FIBCD1: variants seen among roughly 807,000 people sequenced by gnomAD.
FIBCD1 encodes the protein fibrinogen C domain containing 1.
Under a neutral mutation model 45.1 loss-of-function variants are expected in FIBCD1, and 47 were observed. The ratio of observed to expected loss-of-function variants is 1.04; its 90% CI spans 0.82 to 1.33. The LOEUF is 1.33. Among genes scored for constraint, FIBCD1 ranks in the 40% most tolerant of loss-of-function variants. The pLI is 0.00. For synonymous variants in FIBCD1, 313 were observed against 308.1 expected (o/e 1.02, Z -0.17); for missense variants, 653 against 682.2 (o/e 0.96, Z 0.48).
rs1202644785 is a variant in FIBCD1 at position 130,939,151 on chromosome 9, C to A, written c.-544G>T. ...GGGCGGCCCGGCTCCTGCTGGCTCCCGGAGGGGCCTGAGAGCCCCCCGGCG... is the reference window on the plus strand; with the variant it reads ...GGGCGGCCCGGCTCCTGCTGGCTCCAGGAGGGGCCTGAGAGCCCCCCGGCG... On this transcript the variant is annotated 5_prime_UTR_variant, in exon 1 of 7. Coordinates refer to ENST00000372338, the MANE Select transcript of FIBCD1 (RefSeq NM_032843.5). 6.6e-6 allele frequency: 1 copy of A among 151,974 alleles called. No individual in the cohort carries two copies. Among genetic ancestry groups the A allele is most frequent in the African/African-American group, 2.4e-5 (1 of 41,384 alleles). The allele number at this position is 151,974 out of a possible 1,614,324, so 9.4% of individuals were successfully genotyped here.
At chr9:130,924,090 A>G in intron 3 of FIBCD1, 147 bp downstream of exon 3, 1 of 1,280,556 alleles carries the variant, frequency 7.8e-7, no homozygotes, top group Non-Finnish European at 1.1e-6. Flanking sequence ...TCATCTGGAG[A>G]ATGGACCGAG....
rs143106722 is a variant in FIBCD1 at position 130,923,535 on chromosome 9, G to C, written c.849+209C>G. On this transcript the variant is annotated intron_variant, in intron 4 of 6. Coordinates refer to ENST00000372338, the MANE Select transcript of FIBCD1 (RefSeq NM_032843.5). ...TCCTGCCTAATGTCCGCTCCAGAGT[G>C]GGTACCCCAGGGTCAGCTCACAGAG... is the stretch of plus-strand genomic sequence containing the variant. Among the ~76,000 whole-genome samples, 848 of 152,290 alleles carry C rather than the reference G, an allele frequency of 5.6e-3. 9 individuals are homozygous for C. The highest frequency in any genetic ancestry group is 0.017 in the Middle Eastern group (5 of 294).
intron 4 of FIBCD1, among the ~76,000 whole-genome samples, chr9:130,912,815 GAGTCTTAA>G (rs1374762386): frequency 9.7e-6 from 1 of 103,318 alleles, no homozygotes; most frequent in African/African-American, 6.4e-5. Context: ...AGGGGGGGCA[GAGTCTTAA>G]TCTTTTTCCA....
rs375835147 is a variant in FIBCD1, at chr9:130,917,834, C to T, written c.849+5910G>A. Among the ~76,000 whole-genome samples the T allele has an allele frequency of 4.6e-5, 7 of 152,136 alleles. No individual in the cohort carries two copies. In the South Asian group the frequency reaches 1.4e-3, roughly 31 times the overall value. On this transcript the variant is annotated intron_variant, in intron 4 of 6. Transcript: ENST00000372338. ...CTTGGAGGAGTGGGCAACCCAGGTG[C>T]GCAGGGCTGAGATGGCCAGAGGAGT... is the stretch of plus-strand genomic sequence containing the variant.
chr9:130,930,398 G>A (rs1273524962), intron 1 of FIBCD1, among the ~76,000 whole-genome samples: 2 of 150,082 alleles, frequency 1.3e-5, no homozygotes, highest in Non-Finnish European at 3.0e-5. Flanking sequence ...GGAGACATGG[G>A]GAGATGCGGG....
At chr9:130,919,482 C>A (rs1832221474) in intron 4 of FIBCD1, among the ~76,000 whole-genome samples, 1 of 152,218 alleles carries the variant, frequency 6.6e-6, no homozygotes, top group Non-Finnish European at 1.5e-5. Context: ...GCTGCTCAGC[C>A]TCCCCGGCAC....
intron 5 of FIBCD1, among the ~76,000 whole-genome samples, chr9:130,905,792 T>TG (rs1203827366): frequency 6.6e-6 from 1 of 152,222 alleles, no homozygotes; most frequent in African/African-American, 2.4e-5. Context: ...ACCTGGCCTC[T>TG]GGGCCTTTGC....
chr9:130,906,785 T>C (rs1831935781), intron 5 of FIBCD1, among the ~76,000 whole-genome samples: 1 of 152,220 alleles, frequency 6.6e-6, no homozygotes, highest in Admixed American at 6.5e-5. Flanking sequence ...TCTCAGCCCT[T>C]CGTGCAGATG....
rs536944140 is a variant in FIBCD1, at chr9:130,935,883, G to T, written c.72+2653C>A. On this transcript the variant is annotated intron_variant, in intron 1 of 6. Transcript: ENST00000372338. The stretch of plus-strand genomic sequence containing the variant: ...TCTTAGTCGTGGCCTGTGACCTACT[G>T]GTGCTTGGAGTGCGGCGTCAGCGTT... Among the ~76,000 whole-genome samples, 15 of 152,300 alleles carry T rather than the reference G, an allele frequency of 9.8e-5. No homozygotes were observed. The South Asian group carries it at 3.1e-3, about 32-fold the overall frequency.
intron 4 of FIBCD1, among the ~76,000 whole-genome samples, chr9:130,913,010 G>A (rs979960115): frequency 2.6e-5 from 4 of 152,174 alleles, no homozygotes; most frequent in Non-Finnish European, 5.9e-5. Context: ...TGGCTCAGGG[G>A]AGGACGAGGA....
rs1378163925 is a variant in FIBCD1 at position 130,922,852 on chromosome 9, C to T, written c.849+892G>A. Reference sequence around the variant, plus strand: ...CCCTGGTAGCCGCGTTAGGTTGCCCCCTCCTCCTGGAATACCTTCTCCTTC... The same window carrying T: ...CCCTGGTAGCCGCGTTAGGTTGCCCTCTCCTCCTGGAATACCTTCTCCTTC... On this transcript the variant is annotated intron_variant, in intron 4 of 6. Coordinates refer to ENST00000372338, the MANE Select transcript of FIBCD1 (RefSeq NM_032843.5). The surrounding 1 kb of genome is among the most constrained non-coding windows in gnomAD (Gnocchi z 4.5). Among the ~76,000 whole-genome samples, 2 of 152,268 alleles carry T rather than the reference C, an allele frequency of 1.3e-5. No individual in the cohort carries two copies. Among genetic ancestry groups the T allele is most frequent in the Non-Finnish European group, 2.9e-5 (2 of 68,014 alleles).
At chr9:130,924,092 T>C in intron 3 of FIBCD1, 145 bp downstream of exon 3, 1 of 1,281,320 alleles carries the variant, frequency 7.8e-7, no homozygotes. Flanking sequence ...ATCTGGAGAA[T>C]GGACCGAGAG....
chr9:130,920,559 C>G (rs74986046), intron 4 of FIBCD1, among the ~76,000 whole-genome samples: 3,278 of 152,232 alleles, frequency 0.022, 56 homozygotes, highest in South Asian at 0.062. Flanking sequence ...CGGTGCCCAC[C>G]CTGAGCTAAC....
rs372320784 is a variant in FIBCD1, at chr9:130,903,991, T to C, written c.*73A>G. ...GCCAGGCACAGGTGGGTGGAGAACA[T>C]TCACGAAAGAGTGAGGTGGGGTCGG... On this transcript the variant is annotated 3_prime_UTR_variant, in exon 7 of 7. Transcript: ENST00000372338. 880 of 1,559,648 alleles carry C rather than the reference T, an allele frequency of 5.6e-4. 4 individuals are homozygous for C. In the African/African-American group the frequency reaches 9.6e-3, roughly 17 times the overall value.
rs1250662588 is a variant in FIBCD1, at chr9:130,921,006, C to A, written c.849+2738G>T. ...TGGGTGACCTCGGGCACATCCCTGG[C>A]CTTCTCTGAGGCTGCCCTGCCTGCC... On this transcript the variant is annotated intron_variant, in intron 4 of 6. Transcript: ENST00000372338. Among the ~76,000 whole-genome samples the A allele has an allele frequency of 2.0e-5, 3 of 152,372 alleles. No individual in the cohort carries two copies. The East Asian group carries it at 5.8e-4, about 29-fold the overall frequency.
Position 130,924,420 on chromosome 9 carries a change from G to A in FIBCD1, c.553-24C>T, listed in dbSNP as rs561385387. On this transcript the variant is annotated intron_variant, in intron 2 of 6. Coordinates refer to ENST00000372338, the MANE Select transcript of FIBCD1 (RefSeq NM_032843.5). ...AGCTGCGGAGCACAGGGGGTGAGCCGAGGGGGCAGGGGCTCTGTTGGGGGT... is the reference window on the plus strand; with the variant it reads ...AGCTGCGGAGCACAGGGGGTGAGCCAAGGGGGCAGGGGCTCTGTTGGGGGT... 93 of 1,589,666 alleles carry A rather than the reference G, an allele frequency of 5.9e-5. 1 individual carries two copies. In the South Asian group the frequency reaches 8.5e-4, roughly 15 times the overall value.
chr9:130,902,965 G>C lies in FIBCD1; in HGVS notation c.*1099C>G, dbSNP rs1310635343. 2 of 152,480 alleles carry C rather than the reference G, an allele frequency of 1.3e-5. No homozygotes were observed. The highest frequency in any genetic ancestry group is 1.3e-4 in the Admixed American group (2 of 15,290). 9.4% of individuals were successfully genotyped at this position (152,480 alleles called of 1,614,324 possible). ...CCCCCCGACCCCATTTGCCCGGTGA[G>C]GTGGTCCCTGTCCCTTGACCACTCG... On this transcript the variant is annotated 3_prime_UTR_variant, in exon 7 of 7. Transcript: ENST00000372338.
chr9:130,938,666 G>A lies in FIBCD1; in HGVS notation c.-59C>T. The A allele has an allele frequency of 8.3e-7, 1 of 1,203,784 alleles. No individual in the cohort carries two copies. 74.6% of individuals were successfully genotyped at this position (1,203,784 alleles called of 1,614,324 possible). ...GCGCGCCGCTGCGGAGCGCAAAGGA[G>A]ACGGGGTGGGCGCGGGCGCGGGCGC... is the stretch of plus-strand genomic sequence containing the variant. On this transcript the variant is annotated 5_prime_UTR_variant, in exon 1 of 7. Coordinates refer to ENST00000372338, the MANE Select transcript of FIBCD1 (RefSeq NM_032843.5).
chr9:130,925,276 C>A (rs1453651459), intron 2 of FIBCD1, among the ~76,000 whole-genome samples: 1 of 152,176 alleles, frequency 6.6e-6, no homozygotes, highest in East Asian at 1.9e-4. Flanking sequence ...AAAGAGCAAT[C>A]CCTGAGAGCG....
Sources: gnomAD v4.1 joint callset for allele counts (sites outside exome capture counted in the v4.1 genomes callset) on GRCh38, gnomAD v4.1.1 for gene constraint, Gnocchi (gnomAD v3.1) non-coding constraint, MANE v1.5 for transcripts, NCBI Gene and HGNC (gene_info 2026-07-23, HGNC 2026-07-21) for gene names.